Variants in CROCC2 observed in about 807,000 individuals in gnomAD.
CROCC2 encodes the protein ciliary rootlet coiled-coil protein 2.
In CROCC2, 163 loss-of-function variants were observed where a neutral mutation model predicts 177.6. That is an observed-to-expected ratio of 0.92 (90% CI 0.81 to 1.05). The LOEUF is 1.05. Among genes scored for constraint, CROCC2 ranks in the 50% least tolerant of loss-of-function variants. The pLI is 0.00. For missense variants in CROCC2, 1,929 were observed against 1,797.8 expected, an observed-to-expected ratio of 1.07 and a Z score of -1.32; for synonymous variants, 904 against 787.3, an observed-to-expected ratio of 1.15 and a Z score of -2.48.
At chr2:240,911,411 C>T (rs2059287715) in intron 1 of CROCC2, among the ~76,000 whole-genome samples, 1 of 151,228 alleles carries the variant, frequency 6.6e-6, no homozygotes, top group South Asian at 2.1e-4. Flanking sequence ...AATTCTCGTG[C>T]TTTAGCCTCC....
rs61276773 is a variant in CROCC2 at position 240,974,534 on chromosome 2, CTTTTT to C, written c.4401+6284_4401+6288del. Among the ~76,000 whole-genome samples the C allele has an allele frequency of 2.2e-5, 3 of 134,906 alleles. No homozygotes were observed. The East Asian group carries it at 6.4e-4, about 29-fold the overall frequency. 88.5% of individuals were successfully genotyped at this position (134,906 alleles called of 152,430 possible). A position where few individuals can be genotyped will look rare whatever the true frequency, so the allele number is the denominator to read the frequency against. On this transcript the variant is annotated intron_variant, in intron 27 of 31. Coordinates refer to ENST00000690015, the MANE Select transcript of CROCC2 (RefSeq NM_001351305.2). ...CTTTTGTATTTTCTTTCTTTTTTTTCTTTTTTTTTTTTTTTTGTAGAGATGGTGTT... is the reference window on the plus strand; with the variant it reads ...CTTTTGTATTTTCTTTCTTTTTTTTCTTTTTTTTTTTGTAGAGATGGTGTT...
chr2:240,952,391 T>C lies in CROCC2; in HGVS notation c.2829+1881T>C, dbSNP rs201346255. Among the ~76,000 whole-genome samples, 5 of 138,408 alleles carry C rather than the reference T, an allele frequency of 3.6e-5. No individual in the cohort carries two copies. In the Admixed American group the frequency reaches 3.9e-4, roughly 11 times the overall value. The allele number at this position is 138,408 out of a possible 152,430, so 90.8% of individuals were successfully genotyped here. On this transcript the variant is annotated intron_variant, in intron 18 of 31. Coordinates refer to ENST00000690015, the MANE Select transcript of CROCC2 (RefSeq NM_001351305.2). ...AAATAGCCAAGATTTATTGTCAAAC[T>C]CTCTGCATTTAATATTTGATTCTTG...
At chr2:240,909,563 G>T (rs2059274667) in intron 1 of CROCC2, among the ~76,000 whole-genome samples, 1 of 152,238 alleles carries the variant, frequency 6.6e-6, no homozygotes, top group Non-Finnish European at 1.5e-5. Flanking sequence ...GGAGGGAGCT[G>T]CTGTGGTTAG....
intron 2 of CROCC2, among the ~76,000 whole-genome samples, chr2:240,919,148 T>C (rs1418098937): frequency 7.0e-6 from 1 of 142,536 alleles, no homozygotes; most frequent in Admixed American, 7.7e-5. Flanking sequence ...TGGGGGACAG[T>C]CCTGGGCCTG....
intron 30 of CROCC2, among the ~76,000 whole-genome samples, chr2:240,990,973 G>T (rs7581970): frequency 0.42 from 63,684 of 152,144 alleles, 13,615 homozygotes; most frequent in East Asian, 0.53. Flanking sequence ...CTCCACAGGT[G>T]GGGGATCCGT....
intron 28 of CROCC2, chr2:240,985,970 T>G (rs1353984196): frequency 4.4e-6 from 2 of 456,550 alleles, no homozygotes; most frequent in South Asian, 3.1e-5. Context: ...CCTCTTTCTG[T>G]TCATCCTCCT....
intron 27 of CROCC2, among the ~76,000 whole-genome samples, chr2:240,971,144 G>A (rs542606369): frequency 2.6e-5 from 4 of 152,280 alleles, no homozygotes; most frequent in East Asian, 1.9e-4. Context: ...CCATCTCCAC[G>A]TGCCTCACAC....
At chr2:240,990,563 A>C (rs1449282672) in intron 30 of CROCC2, among the ~76,000 whole-genome samples, 1 of 151,256 alleles carries the variant, frequency 6.6e-6, no homozygotes, top group Non-Finnish European at 1.5e-5. Context: ...TTTCCTTATC[A>C]TTCTGAGTGT....
At chr2:240,932,964 C>A (rs2059443883) in intron 9 of CROCC2, 56 bp downstream of exon 9, 1 of 1,533,154 alleles carries the variant, frequency 6.5e-7, no homozygotes, top group South Asian at 1.2e-5. Flanking sequence ...AAACATGAGC[C>A]CCTCAGGCTG....
chr2:240,968,500 C>A (rs1452017581), intron 27 of CROCC2, among the ~76,000 whole-genome samples: 1 of 152,184 alleles, frequency 6.6e-6, no homozygotes, highest in Non-Finnish European at 1.5e-5. Flanking sequence ...GCAGAGCTGT[C>A]CTTACGGTGG....
At chr2:240,913,511 G>C (rs1049263757) in intron 1 of CROCC2, among the ~76,000 whole-genome samples, 1 of 152,204 alleles carries the variant, frequency 6.6e-6, no homozygotes, top group African/African-American at 2.4e-5. Flanking sequence ...CGCTGTGTCC[G>C]AGCCTGTCTG....
At chr2:240,964,723 C>T (rs769696791) in intron 22 of CROCC2, 98 bp downstream of exon 22, 15 of 1,377,382 alleles carry the variant, frequency 1.1e-5, no homozygotes, top group Non-Finnish European at 1.4e-5. Context: ...GCCTTGCTGC[C>T]GCCTTTGAAC....
chr2:240,967,270 C>T (rs1053291021), intron 25 of CROCC2, 75 bp from the exon 26 acceptor site: 101 of 571,540 alleles, frequency 1.8e-4, no homozygotes, highest in Non-Finnish European at 2.6e-4. Flanking sequence ...CAGCTGGCCC[C>T]GACCCTCTAG....
chr2:240,912,679 A>T (rs2059295925), intron 1 of CROCC2, among the ~76,000 whole-genome samples: 1 of 152,200 alleles, frequency 6.6e-6, no homozygotes, highest in Non-Finnish European at 1.5e-5. Context: ...GGCAAAATTC[A>T]TTAAATCACT....
intron 14 of CROCC2, among the ~76,000 whole-genome samples, chr2:240,945,633 G>A (rs1040831019): frequency 6.6e-6 from 1 of 152,118 alleles, no homozygotes; most frequent in Admixed American, 6.5e-5. Flanking sequence ...CTGTTCAGCT[G>A]TCTGAGGTGT....
At position 240,959,426 on chromosome 2, in the gene CROCC2, G is replaced by C. The variant is rs937730058; in HGVS notation, c.3069G>C (p.Arg1023=). 2 of 1,550,302 alleles carry C rather than the reference G, an allele frequency of 1.3e-6. No homozygotes were observed. The highest frequency in any genetic ancestry group is 1.7e-6 in the Non-Finnish European group (2 of 1,146,894). ...GCCTCCAGGACCTAGCGGCTGAGCG[G>C]GGCGATGTGGAGAGAGAGGTGAGAG... ...RESLQDLAAE[R]GDVEREAERL... is the part of the protein sequence containing the mutation. The change falls in exon 20 of 32, where the codon CGG becomes CGC. Residue 1023 remains arginine (R), a synonymous_variant. Transcript: ENST00000690015.
At chr2:240,921,765 C>T (rs868033906) in intron 3 of CROCC2, among the ~76,000 whole-genome samples, 1 of 152,244 alleles carries the variant, frequency 6.6e-6, no homozygotes, top group African/African-American at 2.4e-5. Flanking sequence ...GCCACCTTCT[C>T]TTCCAGCTTG....
At chr2:240,931,836 G>T (rs1258069720) in intron 7 of CROCC2, among the ~76,000 whole-genome samples, 1 of 152,250 alleles carries the variant, frequency 6.6e-6, no homozygotes. Flanking sequence ...CAGGACATGG[G>T]GGCCCAACGG....
chr2:240,960,751 A>C lies in CROCC2; in HGVS notation c.3087+1307A>C, dbSNP rs2059626405. Among the ~76,000 whole-genome samples the C allele has an allele frequency of 6.6e-6, 1 of 152,088 alleles. No individual in the cohort carries two copies. Among genetic ancestry groups the C allele is most frequent in the African/African-American group, 2.4e-5 (1 of 41,524 alleles). Reference sequence around the variant, plus strand: ...GAGAAGAGGGGCTCAGCCCTCCCCAAGCACCCCCGAGAGGCAGGCTGAGAG... The same window carrying C: ...GAGAAGAGGGGCTCAGCCCTCCCCACGCACCCCCGAGAGGCAGGCTGAGAG... On this transcript the variant is annotated intron_variant, in intron 20 of 31. Transcript: ENST00000690015. The surrounding 1 kb of genome is among the most constrained non-coding windows in gnomAD (Gnocchi z 5.0).
Sources: allele counts gnomAD v4.1 joint callset (sites outside exome capture counted in the v4.1 genomes callset), GRCh38; gene constraint gnomAD v4.1.1; non-coding constraint Gnocchi (gnomAD v3.1); transcripts MANE v1.5; gene names NCBI Gene and HGNC (gene_info 2026-07-23, HGNC 2026-07-21).